Variants in HNF4G observed in about 807,000 individuals in gnomAD.
HNF4G encodes hepatocyte nuclear factor 4 gamma.
HNF4G carries 21 observed loss-of-function variants against 50.9 expected under a neutral mutation model. The ratio of observed to expected loss-of-function variants is 0.41; its 90% confidence interval spans 0.29 to 0.59. HNF4G has a LOEUF of 0.59. Among genes scored for constraint, HNF4G ranks in the 20% least tolerant of loss-of-function variants. HNF4G has a pLI of 0.26. For synonymous variants in HNF4G, 198 were observed against 185.6 expected (o/e 1.07, Z -0.54); for missense variants, 527 against 559.4 (o/e 0.94, Z 0.58).
At chr8:75,510,816 T>C (rs1275728234) in intron 2 of HNF4G, among the ~76,000 whole-genome samples, 1 of 152,044 alleles carries the variant, frequency 6.6e-6, no homozygotes, top group Admixed American at 6.6e-5. Flanking sequence ...TGTGTGTGTA[T>C]ATATATATGT....
chr8:75,541,694 A>G (rs1806627355), intron 1 of HNF4G, among the ~76,000 whole-genome samples: 1 of 152,070 alleles, frequency 6.6e-6, no homozygotes, highest in Non-Finnish European at 1.5e-5. Context: ...GTTTTATTAC[A>G]TATATTTAAT....
At chr8:75,444,933 T>A (rs1361798437) in intron 1 of HNF4G, among the ~76,000 whole-genome samples, 5 of 142,148 alleles carry the variant, frequency 3.5e-5, no homozygotes, top group Middle Eastern at 3.5e-3. Context: ...GCGGACCTAA[T>A]AGACATCTAC....
chr8:75,478,782 G>T (rs1962962), intron 1 of HNF4G, among the ~76,000 whole-genome samples: 7 of 151,858 alleles, frequency 4.6e-5, no homozygotes, highest in Non-Finnish European at 1.0e-4. Context: ...GCAATCGCGC[G>T]ATCTGATCTT....
intron 1 of HNF4G, among the ~76,000 whole-genome samples, chr8:75,445,739 G>A (rs1811410270): frequency 7.0e-6 from 1 of 143,710 alleles, no homozygotes; most frequent in Admixed American, 6.9e-5. Context: ...GGAAGAAGTT[G>A]AATCTCTGAA....
intron 2 of HNF4G, among the ~76,000 whole-genome samples, chr8:75,499,535 A>G (rs1043704231): frequency 6.6e-6 from 1 of 152,018 alleles, no homozygotes; most frequent in African/African-American, 2.4e-5. Context: ...AGCTGATAAT[A>G]AAGTTCAGAT....
chr8:75,528,888 C>G (rs1418206178), intron 2 of HNF4G, among the ~76,000 whole-genome samples: 1 of 152,068 alleles, frequency 6.6e-6, no homozygotes, highest in Non-Finnish European at 1.5e-5. Context: ...CACAGTTCCG[C>G]GTGGCTGGGG....
At chr8:75,431,303 A>G (rs905783356) in intron 1 of HNF4G, among the ~76,000 whole-genome samples, 1 of 152,150 alleles carries the variant, frequency 6.6e-6, no homozygotes, top group African/African-American at 2.4e-5. Flanking sequence ...TTAAAGTGAT[A>G]ATAGTTGAGT....
intron 1 of HNF4G, among the ~76,000 whole-genome samples, chr8:75,487,561 T>C (rs558866587): frequency 6.6e-6 from 1 of 152,290 alleles, no homozygotes; most frequent in South Asian, 2.1e-4. Flanking sequence ...GACCCAAAAG[T>C]CTTCTTTTCT....
intron 1 of HNF4G, among the ~76,000 whole-genome samples, chr8:75,422,113 G>T (rs939127678): frequency 1.3e-5 from 2 of 152,124 alleles, no homozygotes; most frequent in African/African-American, 4.8e-5. Flanking sequence ...AAGCTCCCTA[G>T]TGACTATTCC....
chr8:75,452,215 T>G (rs907183172), intron 1 of HNF4G, among the ~76,000 whole-genome samples: 2 of 152,112 alleles, frequency 1.3e-5, no homozygotes, highest in African/African-American at 4.8e-5. Context: ...TAAATATTTC[T>G]AAAGAACAAA....
At chr8:75,517,700 G>C (rs908257423) in intron 2 of HNF4G, among the ~76,000 whole-genome samples, 8 of 152,130 alleles carry the variant, frequency 5.3e-5, no homozygotes, top group African/African-American at 1.9e-4. Context: ...CCCCCCTCCT[G>C]GCTGATTTCA....
chr8:75,462,450 T>C (rs1233504794), intron 1 of HNF4G, among the ~76,000 whole-genome samples: 3 of 152,140 alleles, frequency 2.0e-5, no homozygotes, highest in Non-Finnish European at 2.9e-5. Flanking sequence ...ATGATTCACA[T>C]CCAGAGCAGG....
intron 1 of HNF4G, among the ~76,000 whole-genome samples, chr8:75,437,732 AATAAAT>A (rs1811173182): frequency 6.6e-6 from 1 of 152,024 alleles, no homozygotes; most frequent in African/African-American, 2.4e-5. Flanking sequence ...TCCAGAAAAC[AATAAAT>A]ATAAAAACAT....
chr8:75,554,467 C>A (rs1807057286), intron 5 of HNF4G, among the ~76,000 whole-genome samples: 1 of 152,018 alleles, frequency 6.6e-6, no homozygotes, highest in African/African-American at 2.4e-5. Flanking sequence ...ATGAATAAGG[C>A]ATGGGAAATT....
At chr8:75,552,670 A>G (rs1295136489) in intron 4 of HNF4G, among the ~76,000 whole-genome samples, 1 of 152,140 alleles carries the variant, frequency 6.6e-6, no homozygotes, top group Admixed American at 6.5e-5. Flanking sequence ...AATTCAAAAT[A>G]AAATCAAAGA....
intron 2 of HNF4G, among the ~76,000 whole-genome samples, chr8:75,544,875 G>A (rs1806729254): frequency 6.6e-6 from 1 of 151,938 alleles, no homozygotes; most frequent in African/African-American, 2.4e-5. Context: ...TGGACATTTG[G>A]GAAGAGGTTA....
intron 2 of HNF4G, among the ~76,000 whole-genome samples, 165 bp downstream of exon 2, chr8:75,544,144 A>T (rs116554610): frequency 2.6e-5 from 4 of 152,238 alleles, no homozygotes; most frequent in Admixed American, 2.0e-4. Context: ...CACAGGATGT[A>T]TTCACATAGG....
chr8:75,537,308 A>G (rs1006867411), upstream of HNF4G, among the ~76,000 whole-genome samples: 3 of 152,088 alleles, frequency 2.0e-5, no homozygotes, highest in Non-Finnish European at 2.9e-5. Context: ...CAGTGGCATG[A>G]TCTTGGCTCA....
intron 2 of HNF4G, among the ~76,000 whole-genome samples, chr8:75,495,752 G>T (rs556072285): frequency 7.4e-4 from 113 of 151,896 alleles, no homozygotes; most frequent in African/African-American, 2.6e-3. Flanking sequence ...TGGCCAGTCT[G>T]GTCTCGAACT....
Sources: allele counts gnomAD v4.1 joint callset (sites outside exome capture counted in the v4.1 genomes callset), GRCh38; gene constraint gnomAD v4.1.1; transcripts MANE v1.5; gene names NCBI Gene and HGNC (gene_info 2026-07-23, HGNC 2026-07-21).